Variants in COL17A1 observed in about 807,000 individuals in gnomAD.
The protein encoded by COL17A1 is collagen alpha-1(XVII) chain.
COL17A1 carries 181 observed loss-of-function variants against 218.4 expected under a neutral mutation model. The observed-to-expected ratio is 0.83, with a 90% confidence interval of 0.73 to 0.94. The LOEUF is 0.94. COL17A1 is among the 40% of genes least tolerant of loss of function. COL17A1 has a pLI of 0.00. For synonymous variants in COL17A1, 721 were observed against 731.0 expected (o/e 0.99, Z 0.22); for missense variants, 1,924 against 1,945.9 (o/e 0.99, Z 0.21).
rs371031867 is a variant in COL17A1, at chr10:104,035,529, C to T, written c.3453G>A (p.Pro1151=). 3.1e-5 allele frequency: 50 copies of T among 1,613,798 alleles called. No homozygotes were observed. The highest frequency in any genetic ancestry group is 4.5e-5 in the East Asian group (2 of 44,880). ...AGGTTCCCGGCAAGCCAGGGGGCCC[C>T]GGGGGACCAGGAAGCCCAATGCTGA... is the stretch of plus-strand genomic sequence containing the variant. The part of the protein sequence containing the change: ...SGISIGLPGP[P]GPPGLPGTSY... Residue 1151 remains proline, a synonymous_variant, in exon 49 of 56, where the codon CCG becomes CCA. Coordinates refer to ENST00000648076, the MANE Select transcript of COL17A1 (RefSeq NM_000494.4).
chr10:104,077,832 T>C (rs754148040), intron 3 of COL17A1, among the ~76,000 whole-genome samples: 10 of 152,348 alleles, frequency 6.6e-5, no homozygotes, highest in South Asian at 2.1e-4. Flanking sequence ...TTTTAAATAG[T>C]AGAAAAGGCT....
At chr10:104,040,124 G>GAGAGGAGAGGCACAAGGAA in intron 40 of COL17A1, 125 bp from the exon 41 acceptor site, 1 of 1,178,220 alleles carries the variant, frequency 8.5e-7, no homozygotes, top group Non-Finnish European at 1.3e-6. Flanking sequence ...GGTTCCTTGT[G>GAGAGGAGAGGCACAAGGAA]CCTCTCCTCT....
chr10:104,048,861 A>G (rs1208571644), intron 29 of COL17A1, among the ~76,000 whole-genome samples: 4 of 149,636 alleles, frequency 2.7e-5, no homozygotes, highest in Non-Finnish European at 5.9e-5. Context: ...TTGAGAGATG[A>G]ATTCTTGCTC....
intron 43 of COL17A1, 73 bp from the exon 44 acceptor site, chr10:104,039,194 T>C (rs1009560291): frequency 1.4e-6 from 2 of 1,449,984 alleles, no homozygotes; most frequent in Non-Finnish European, 9.7e-7. Context: ...ACCACACTTA[T>C]TAGTGTGTGT....
At chr10:104,043,634 C>T (rs780041655) in intron 34 of COL17A1, 53 bp from the exon 35 acceptor site, 73 of 1,595,912 alleles carry the variant, frequency 4.6e-5, no homozygotes, top group Middle Eastern at 1.7e-4. Context: ...CACTCAGAGG[C>T]GCTGGGACCC....
intron 16 of COL17A1, 66 bp downstream of exon 16, chr10:104,058,080 C>A (rs983598025): frequency 6.3e-7 from 1 of 1,596,890 alleles, no homozygotes; most frequent in African/African-American, 1.3e-5. Flanking sequence ...GGACCATCAT[C>A]TGGTCCATTA....
intron 9 of COL17A1, among the ~76,000 whole-genome samples, chr10:104,065,155 C>A (rs2086616577): frequency 6.6e-6 from 1 of 152,158 alleles, no homozygotes; most frequent in Non-Finnish European, 1.5e-5. Context: ...ACTGTGCCCC[C>A]AAGAGAGGAT....
At chr10:104,046,658 A>G in intron 32 of COL17A1, 89 bp downstream of exon 32, 1 of 1,312,160 alleles carries the variant, frequency 7.6e-7, no homozygotes, top group East Asian at 2.3e-5. Context: ...AGGAGAGGAA[A>G]CTCTGGTGAC....
intron 6 of COL17A1, chr10:104,073,967 C>T (rs895906575): frequency 1.6e-5 from 10 of 621,632 alleles, no homozygotes; most frequent in Non-Finnish European, 2.2e-5. Context: ...TATAGTGCCA[C>T]GAGCAAAGGC....
chr10:104,074,857 C>A (rs936422282), intron 5 of COL17A1, among the ~76,000 whole-genome samples: 8 of 152,192 alleles, frequency 5.3e-5, no homozygotes, highest in Non-Finnish European at 1.0e-4. Flanking sequence ...ACACCAGCAC[C>A]AATCTCTTCT....
intron 48 of COL17A1, among the ~76,000 whole-genome samples, chr10:104,035,918 A>G (rs201494243): frequency 7.2e-3 from 45 of 6,228 alleles, no homozygotes; most frequent in Non-Finnish European, 0.014. Context: ...GGGAGTGTGT[A>G]TGAGTGTGTG....
chr10:104,035,706 AG>A, intron 48 of COL17A1, 143 bp from the exon 49 acceptor site: 1 of 681,770 alleles, frequency 1.5e-6, no homozygotes. Context: ...GGCAGAGAGG[AG>A]GAGCCCAAAG....
At chr10:104,036,434 G>A (rs1019674436) in intron 48 of COL17A1, 58 bp downstream of exon 48, 14 of 1,610,318 alleles carry the variant, frequency 8.7e-6, no homozygotes, top group African/African-American at 5.4e-5. Context: ...TTCACGCTGC[G>A]AGTCCTCATC....
chr10:104,041,753 C>T (rs547822131), intron 36 of COL17A1, among the ~76,000 whole-genome samples: 35 of 152,294 alleles, frequency 2.3e-4, no homozygotes, highest in African/African-American at 8.4e-4. Context: ...GTCAAGCTCC[C>T]TGACAGCTGA....
chr10:104,078,477 G>T (rs1458162002), intron 3 of COL17A1, 65 bp downstream of exon 3: 11 of 1,610,180 alleles, frequency 6.8e-6, no homozygotes, highest in Admixed American at 1.7e-5. Flanking sequence ...CATGGAAAAG[G>T]TTACAGGTGT....
At chr10:104,042,060 G>A (rs3818387) in intron 36 of COL17A1, among the ~76,000 whole-genome samples, 6,946 of 152,192 alleles carry the variant, frequency 0.046, 246 homozygotes, top group East Asian at 0.096. Flanking sequence ...TGGGAGGCCC[G>A]GCAGTCTCCA....
chr10:104,052,091 G>T (rs1238927609), intron 24 of COL17A1, 64 bp downstream of exon 24: 1 of 1,608,976 alleles, frequency 6.2e-7, no homozygotes, highest in African/African-American at 1.3e-5. Flanking sequence ...TCTTCTCTGT[G>T]ATCCATCCTG....
rs142094901 is a variant in COL17A1 at position 104,033,922 on chromosome 10, A to T, written c.4156+23T>A. On this transcript the variant is annotated intron_variant, in intron 52 of 55. Transcript: ENST00000648076. ...TCCCACGCTCCTTCCCCCCAGCACCAAGGCCTAAATGTCCCCACTTACGCT... is the reference window on the plus strand; with the variant it reads ...TCCCACGCTCCTTCCCCCCAGCACCTAGGCCTAAATGTCCCCACTTACGCT... 5.6e-6 allele frequency: 9 copies of T among 1,614,030 alleles called. No individual in the cohort carries two copies. In the East Asian group the frequency reaches 2.0e-4, roughly 36 times the overall value.
intron 24 of COL17A1, 137 bp from the exon 25 acceptor site, chr10:104,051,653 T>C: frequency 1.9e-6 from 2 of 1,054,282 alleles, no homozygotes; most frequent in Non-Finnish European, 2.9e-6. Flanking sequence ...AGGCCAGGGG[T>C]GACCCCAGTG....
Sources: gnomAD v4.1 joint callset for allele counts (sites outside exome capture counted in the v4.1 genomes callset) on GRCh38, gnomAD v4.1.1 for gene constraint, MANE v1.5 for transcripts, NCBI Gene and HGNC (gene_info 2026-07-23, HGNC 2026-07-21) for gene names.